SAXO1: variants seen among roughly 807,000 people sequenced by gnomAD.
The protein encoded by SAXO1 is 4930500O09Rik.
SAXO1 carries 21 observed loss-of-function variants against 17.5 expected under a neutral mutation model. That is an observed-to-expected ratio of 1.20 (90% CI 0.85 to 1.72). The LOEUF (loss-of-function observed/expected upper bound fraction) is 1.72, where lower values mean the gene tolerates loss of function less well. SAXO1 is among the 40% of genes most tolerant of loss of function. The pLI is 0.00. For missense variants in SAXO1, 843 were observed against 596.0 expected (o/e 1.41, Z -4.32); for synonymous variants, 274 against 216.5 (o/e 1.27, Z -2.33).
intron 1 of SAXO1, among the ~76,000 whole-genome samples, chr9:18,990,191 A>G (rs1264109557): frequency 6.6e-6 from 1 of 151,542 alleles, no homozygotes. Flanking sequence ...TTTCCTAACA[A>G]CTACCAAATA....
chr9:18,928,613 G>A lies in SAXO1; in HGVS notation c.864C>T (p.Ser288=), dbSNP rs1408429999. The change falls in exon 4 of 4, where the codon TCC becomes TCT. Residue 288 remains serine, a synonymous_variant. Transcript: ENST00000380534. ...GAGGGACGTAGGTGATGGGAGCTTT[G>A]GAGAACATCCGGGGCATTGGCCAAG... ...YQAWPMPRMF[S]KAPITYVPPE... 1.9e-6 allele frequency: 3 copies of A among 1,614,150 alleles called. No individual in the cohort carries two copies. In the East Asian group the frequency reaches 6.7e-5, roughly 36 times the overall value.
chr9:19,046,637 G>A (rs1351157334), intron 1 of SAXO1, among the ~76,000 whole-genome samples: 1 of 152,076 alleles, frequency 6.6e-6, no homozygotes, highest in Non-Finnish European at 1.5e-5. Context: ...GGCAGGCAGA[G>A]GTTGTGGTGA....
chr9:18,998,278 G>A (rs959039026), intron 1 of SAXO1, among the ~76,000 whole-genome samples: 1 of 152,076 alleles, frequency 6.6e-6, no homozygotes, highest in African/African-American at 2.4e-5. Context: ...AAATGACCTC[G>A]TGGATCTGAA....
intron 3 of SAXO1, among the ~76,000 whole-genome samples, chr9:18,937,856 C>G (rs1270827796): frequency 6.6e-6 from 1 of 152,128 alleles, no homozygotes; most frequent in East Asian, 1.9e-4. Context: ...ATTACTCACT[C>G]TCAAGTATTT....
intron 2 of SAXO1, among the ~76,000 whole-genome samples, chr9:18,948,395 T>C (rs966215601): frequency 2.0e-5 from 3 of 152,238 alleles, no homozygotes; most frequent in Admixed American, 1.3e-4. Context: ...ACAACCTTGA[T>C]CCTGCCACTT....
At chr9:19,006,824 T>TAC (rs1834499721) in intron 1 of SAXO1, among the ~76,000 whole-genome samples, 1 of 152,236 alleles carries the variant, frequency 6.6e-6, no homozygotes, top group African/African-American at 2.4e-5. Context: ...GGCAGGAGTA[T>TAC]CACTTGAGGT....
At position 19,004,279 on chromosome 9, in the gene SAXO1, G is replaced by A. The variant is rs144291123; in HGVS notation, c.38+28592C>T. 9.4e-3 allele frequency among the ~76,000 whole-genome samples: 1,433 copies of A among 152,328 alleles called. 15 individuals carry two copies. Among genetic ancestry groups the A allele is most frequent in the Non-Finnish European group, 0.012 (849 of 68,016 alleles). On this transcript the variant is annotated intron_variant, in intron 1 of 3. Transcript: ENST00000380534. ...GGAGAAATAGGAATGCTTTTACACT[G>A]TTGGTGGGAATGTAAATTAGTTCAA...
intron 3 of SAXO1, among the ~76,000 whole-genome samples, chr9:18,937,643 A>C (rs1831358803): frequency 6.6e-6 from 1 of 152,132 alleles, no homozygotes; most frequent in Admixed American, 6.5e-5. Flanking sequence ...ACCTTCATGA[A>C]TGGATTAGCA....
intron 1 of SAXO1, among the ~76,000 whole-genome samples, chr9:18,953,564 C>G (rs1482116555): frequency 6.6e-6 from 1 of 152,110 alleles, no homozygotes; most frequent in African/African-American, 2.4e-5. Flanking sequence ...AACCCTTATG[C>G]AAAAATAAAT....
chr9:18,984,460 C>A (rs1833516953), intron 1 of SAXO1, among the ~76,000 whole-genome samples: 1 of 152,226 alleles, frequency 6.6e-6, no homozygotes, highest in African/African-American at 2.4e-5. Context: ...AAATAGCTGC[C>A]TTCACCAGTG....
chr9:18,992,347 G>A (rs940592873), intron 1 of SAXO1, among the ~76,000 whole-genome samples: 5 of 152,146 alleles, frequency 3.3e-5, no homozygotes, highest in African/African-American at 9.7e-5. Context: ...TTGTAGCTGG[G>A]ATTCTCCCTG....
At chr9:19,034,810 T>C (rs2131061583), upstream of SAXO1, among the ~76,000 whole-genome samples, 1 of 152,278 alleles carries the variant, frequency 6.6e-6, no homozygotes, top group East Asian at 1.9e-4. Flanking sequence ...CATCACACAG[T>C]CCTTACAGAG....
intron 1 of SAXO1, among the ~76,000 whole-genome samples, chr9:19,001,636 A>G (rs190593728): frequency 2.7e-5 from 4 of 150,734 alleles, no homozygotes; most frequent in Admixed American, 1.3e-4. Context: ...ATTGCACTCT[A>G]GCCTGGGCAA....
intron 3 of SAXO1, 135 bp from the exon 4 acceptor site, chr9:18,929,190 C>T: frequency 3.1e-6 from 3 of 973,934 alleles, no homozygotes; most frequent in Non-Finnish European, 4.4e-6. Context: ...GAGCACATCC[C>T]TGCTACCACT....
rs141308249 is a variant in SAXO1 at position 19,008,515 on chromosome 9, T to C, written c.38+24356A>G. ...CTATTTTGAAGCCCATGGTAAGAAA[T>C]TGAGGGTGAACAGGGGAGGAGAGAG... On this transcript the variant is annotated intron_variant, in intron 1 of 3. Coordinates refer to ENST00000380534, the MANE Select transcript of SAXO1 (RefSeq NM_153707.4). Among the ~76,000 whole-genome samples, 28 of 152,216 alleles carry C rather than the reference T, an allele frequency of 1.8e-4. No individual in the cohort carries two copies. In the South Asian group the frequency reaches 1.9e-3, roughly 10 times the overall value.
At chr9:18,929,083 A>C (rs771896927) in intron 3 of SAXO1, 28 bp from the exon 4 acceptor site, 2 of 1,605,714 alleles carry the variant, frequency 1.2e-6, no homozygotes, top group South Asian at 2.2e-5. Context: ...GAGGTAATTA[A>C]TAATAAATCA....
intron 1 of SAXO1, among the ~76,000 whole-genome samples, chr9:18,954,341 A>AT (rs5896827): frequency 0.18 from 26,674 of 147,918 alleles, 2,519 homozygotes; most frequent in East Asian, 0.36. Context: ...GAATCACAGA[A>AT]TTTTTTTTTT....
At chr9:18,982,404 C>T (rs185147761) in intron 1 of SAXO1, among the ~76,000 whole-genome samples, 1 of 152,304 alleles carries the variant, frequency 6.6e-6, no homozygotes, top group African/African-American at 2.4e-5. Flanking sequence ...GGGGCCCTGC[C>T]AGGAGCTCTG....
chr9:19,039,741 T>A (rs1479431268), intron 1 of SAXO1, among the ~76,000 whole-genome samples: 1 of 152,224 alleles, frequency 6.6e-6, no homozygotes, highest in African/African-American at 2.4e-5. Context: ...AATTTGCTTT[T>A]TTTTGAGATG....
Sources: allele counts gnomAD v4.1 joint callset (sites outside exome capture counted in the v4.1 genomes callset), GRCh38; gene constraint gnomAD v4.1.1; transcripts MANE v1.5; gene names NCBI Gene and HGNC (gene_info 2026-07-23, HGNC 2026-07-21).